ACSS3: variants seen among roughly 807,000 people sequenced by gnomAD.
ACSS3 encodes the protein acyl-CoA synthetase short-chain family member 3, mitochondrial.
In ACSS3, 64 loss-of-function variants were observed where a neutral mutation model predicts 84.2. The observed-to-expected ratio is 0.76, with a 90% CI of 0.62 to 0.94. The LOEUF (loss-of-function observed/expected upper bound fraction) is 0.94. ACSS3 is among the 40% of genes least tolerant of loss of function. ACSS3 has a pLI of 0.00. For missense variants in ACSS3, 815 were observed against 867.6 expected, an observed-to-expected ratio of 0.94 and a Z score of 0.76; for synonymous variants, 317 against 310.1, an observed-to-expected ratio of 1.02 and a Z score of -0.23.
At chr12:81,243,672 A>C (rs1056409145) in intron 13 of ACSS3, among the ~76,000 whole-genome samples, 1 of 152,196 alleles carries the variant, frequency 6.6e-6, no homozygotes, top group African/African-American at 2.4e-5. Flanking sequence ...ATATAGATGA[A>C]TGGAACAGAA....
intron 2 of ACSS3, among the ~76,000 whole-genome samples, chr12:81,110,011 T>TG (rs1174815650): frequency 6.6e-6 from 1 of 152,214 alleles, no homozygotes; most frequent in African/African-American, 2.4e-5. Context: ...CACCTTTGGC[T>TG]GCTCCCCAGA....
At chr12:81,244,545 G>A (rs772352633) in intron 13 of ACSS3, among the ~76,000 whole-genome samples, 35 of 151,840 alleles carry the variant, frequency 2.3e-4, no homozygotes, top group Admixed American at 1.4e-3. Flanking sequence ...ATTTTGTTCT[G>A]TTTGGAGATT....
chr12:81,259,006 T>C lies in ACSS3; in HGVS notation c.*4084T>C, dbSNP rs2034538468. 6.5e-6 allele frequency: 1 copy of C among 153,448 alleles called. No individual in the cohort carries two copies. Among genetic ancestry groups the C allele is most frequent in the Admixed American group, 6.5e-5 (1 of 15,324 alleles). The allele number at this position is 153,448 out of a possible 1,614,324, so 9.5% of individuals were successfully genotyped here. On this transcript the variant is annotated 3_prime_UTR_variant, in exon 16 of 16. Coordinates refer to ENST00000548058, the MANE Select transcript of ACSS3 (RefSeq NM_024560.4). ...GATCAAGCCATCACAGTGCTATTTC[T>C]AAAGATATAGGACATCCCTGATTGC...
intron 11 of ACSS3, among the ~76,000 whole-genome samples, chr12:81,227,730 C>T (rs888214669): frequency 1.3e-5 from 2 of 151,802 alleles, no homozygotes; most frequent in African/African-American, 4.8e-5. Flanking sequence ...ACTCCTTTCT[C>T]ATGTTTTCTT....
chr12:81,121,326 T>C (rs577778506), intron 2 of ACSS3, among the ~76,000 whole-genome samples: 1 of 152,308 alleles, frequency 6.6e-6, no homozygotes, highest in Admixed American at 6.5e-5. Context: ...CACAGCAGAA[T>C]TGATCTAAAC....
At chr12:81,243,664 A>G (rs2033886653) in intron 13 of ACSS3, among the ~76,000 whole-genome samples, 1 of 152,204 alleles carries the variant, frequency 6.6e-6, no homozygotes, top group Non-Finnish European at 1.5e-5. Context: ...AAACAGAGAT[A>G]TAGATGAATG....
chr12:81,239,086 T>G (rs1158745466), intron 13 of ACSS3, among the ~76,000 whole-genome samples: 1 of 151,912 alleles, frequency 6.6e-6, no homozygotes, highest in African/African-American at 2.4e-5. Context: ...ATGTTTAAAT[T>G]TTTCTTGAAA....
chr12:81,132,591 A>C (rs1358682425), intron 2 of ACSS3, among the ~76,000 whole-genome samples: 2 of 152,010 alleles, frequency 1.3e-5, no homozygotes, highest in East Asian at 3.9e-4. Flanking sequence ...TCCTAGATTC[A>C]TTGATTTTTT....
At chr12:81,133,228 G>T (rs545749407) in intron 2 of ACSS3, among the ~76,000 whole-genome samples, 3 of 152,042 alleles carry the variant, frequency 2.0e-5, no homozygotes, top group South Asian at 4.2e-4. Flanking sequence ...CCAGGATTCA[G>T]AATTCTTTAA....
intron 7 of ACSS3, among the ~76,000 whole-genome samples, chr12:81,170,408 A>G (rs1158644259): frequency 2.0e-5 from 3 of 152,180 alleles, no homozygotes; most frequent in African/African-American, 4.8e-5. Flanking sequence ...CACATTATAA[A>G]TCTTGCTAAT....
intron 2 of ACSS3, among the ~76,000 whole-genome samples, chr12:81,110,159 C>A (rs531100338): frequency 1.3e-5 from 2 of 152,298 alleles, no homozygotes; most frequent in East Asian, 3.9e-4. Flanking sequence ...TTAAAAAATG[C>A]TGTTATTCAG....
intron 1 of ACSS3, among the ~76,000 whole-genome samples, chr12:81,105,891 A>G (rs1002939600): frequency 6.6e-6 from 1 of 152,238 alleles, no homozygotes; most frequent in African/African-American, 2.4e-5. Context: ...AAACATACAC[A>G]GGTACACAGG....
At chr12:81,180,430 G>A (rs1050372953) in intron 8 of ACSS3, among the ~76,000 whole-genome samples, 10 of 152,142 alleles carry the variant, frequency 6.6e-5, no homozygotes, top group Non-Finnish European at 1.3e-4. Context: ...AATGTGCTTT[G>A]AATAGTCTAG....
chr12:81,247,552 C>T (rs1163713777), intron 13 of ACSS3, among the ~76,000 whole-genome samples: 1 of 152,012 alleles, frequency 6.6e-6, no homozygotes, highest in Non-Finnish European at 1.5e-5. Context: ...TAACAGGAAA[C>T]CATTCAGACC....
chr12:81,244,299 T>A (rs1380093423), intron 13 of ACSS3, among the ~76,000 whole-genome samples: 2 of 152,094 alleles, frequency 1.3e-5, no homozygotes, highest in Admixed American at 6.5e-5. Context: ...TTTTTCTTTA[T>A]CTTAGATTGT....
At chr12:81,160,515 C>A (rs1040129022) in intron 7 of ACSS3, among the ~76,000 whole-genome samples, 7 of 152,252 alleles carry the variant, frequency 4.6e-5, no homozygotes, top group African/African-American at 1.7e-4. Flanking sequence ...CTTGCTCTGC[C>A]TTTATGTACC....
At chr12:81,188,226 C>T (rs2135863540) in intron 8 of ACSS3, among the ~76,000 whole-genome samples, 1 of 151,576 alleles carries the variant, frequency 6.6e-6, no homozygotes, top group South Asian at 2.1e-4. Context: ...ACTGATCTAG[C>T]CTTAGGAATA....
intron 7 of ACSS3, among the ~76,000 whole-genome samples, chr12:81,160,910 A>G (rs557129222): frequency 6.6e-6 from 1 of 152,332 alleles, no homozygotes; most frequent in East Asian, 1.9e-4. Flanking sequence ...CTTCTGAACT[A>G]TAATTATCAG....
chr12:81,128,906 A>G (rs950978804), intron 2 of ACSS3, among the ~76,000 whole-genome samples: 12 of 152,332 alleles, frequency 7.9e-5, no homozygotes, highest in East Asian at 5.8e-4. Context: ...ATGAACTCAT[A>G]TGTTTTCCCA....
Sources: gnomAD v4.1 joint callset for allele counts (sites outside exome capture counted in the v4.1 genomes callset) on GRCh38, gnomAD v4.1.1 for gene constraint, MANE v1.5 for transcripts, NCBI Gene and HGNC (gene_info 2026-07-23, HGNC 2026-07-21) for gene names.